The following PIK3R4 variants were observed in gnomAD, a reference collection of about 807,000 sequenced individuals.
PIK3R4 encodes phosphoinositide 3-kinase regulatory subunit 4.
In PIK3R4, 46 loss-of-function variants were observed where a neutral mutation model predicts 136.5. The observed-to-expected ratio is 0.34, with a 90% CI of 0.27 to 0.43. The LOEUF (loss-of-function observed/expected upper bound fraction) is 0.43, where lower values mean the gene tolerates loss of function less well. Ranked by LOEUF, PIK3R4 falls within the 20% of genes least tolerant of loss-of-function variation. PIK3R4 has a pLI of 1.00. For missense variants in PIK3R4, 1,331 were observed against 1,649.5 expected, an observed-to-expected ratio of 0.81 and a Z score of 3.35; for synonymous variants, 557 against 566.7, an observed-to-expected ratio of 0.98 and a Z score of 0.24.
intron 4 of PIK3R4, among the ~76,000 whole-genome samples, chr3:130,732,615 A>T (rs1372046883): frequency 6.6e-6 from 1 of 152,184 alleles, no homozygotes; most frequent in Non-Finnish European, 1.5e-5. Flanking sequence ...TAAATAAATA[A>T]ATAGGCAGAG....
rs923178621 is a variant in PIK3R4 at position 130,723,719 on chromosome 3, C to T, written c.1808-132G>A. 6 of 664,650 alleles carry T rather than the reference C, an allele frequency of 9.0e-6. 1 individual carries two copies. The highest frequency in any genetic ancestry group is 1.9e-5 in the African/African-American group (1 of 53,642). 41.2% of individuals were successfully genotyped at this position (664,650 alleles called of 1,614,324 possible). ...CTAGGAAAGAACATTGCACTTCCTA[C>T]CCAGCATGATAAAGTTAAAAAGACC... On this transcript the variant is annotated intron_variant, in intron 6 of 19. Coordinates refer to ENST00000356763, the MANE Select transcript of PIK3R4 (RefSeq NM_014602.3).
chr3:130,695,981 A>G (rs947213619), intron 13 of PIK3R4, among the ~76,000 whole-genome samples: 28 of 152,022 alleles, frequency 1.8e-4, no homozygotes, highest in Non-Finnish European at 3.7e-4. Context: ...TTCAGATTTT[A>G]TATTTCTTCT....
chr3:130,711,885 CT>C (rs1351685673), intron 9 of PIK3R4, among the ~76,000 whole-genome samples: 1 of 152,100 alleles, frequency 6.6e-6, no homozygotes, highest in African/African-American at 2.4e-5. Context: ...CTTCTTATAG[CT>C]TTTGAATTTT....
In PIK3R4 at chr3:130,736,528, G is replaced by A. The variant is rs576914769; in HGVS notation, c.734-526C>T. ...GGTAGAGAGAGGCAGAGGCTGCAATGAGCCAAGATCGTGCCATTGCACTCC... is the reference window on the plus strand; with the variant it reads ...GGTAGAGAGAGGCAGAGGCTGCAATAAGCCAAGATCGTGCCATTGCACTCC... On this transcript the variant is annotated intron_variant, in intron 2 of 19. Coordinates refer to ENST00000356763, the MANE Select transcript of PIK3R4 (RefSeq NM_014602.3). 2.6e-5 allele frequency among the ~76,000 whole-genome samples: 4 copies of A among 152,252 alleles called. No individual in the cohort carries two copies. In the South Asian group the frequency reaches 8.3e-4, roughly 32 times the overall value.
At chr3:130,692,210 AT>A (rs371998624) in intron 13 of PIK3R4, among the ~76,000 whole-genome samples, 2 of 152,160 alleles carry the variant, frequency 1.3e-5, no homozygotes, top group African/African-American at 4.8e-5. Context: ...TGCTGAAATG[AT>A]TTTCAAATAC....
At chr3:130,744,453 T>A (rs183072225) in intron 2 of PIK3R4, 33 bp downstream of exon 2, 1 of 1,553,924 alleles carries the variant, frequency 6.4e-7, no homozygotes, top group African/African-American at 1.4e-5. Flanking sequence ...GAAAAACACA[T>A]GCTCCCTTAG....
intron 13 of PIK3R4, among the ~76,000 whole-genome samples, chr3:130,692,159 G>A (rs1027595200): frequency 4.6e-5 from 7 of 152,068 alleles, no homozygotes; most frequent in Non-Finnish European, 8.8e-5. Context: ...ACAGGTGTGA[G>A]CCACCACACC....
intron 2 of PIK3R4, among the ~76,000 whole-genome samples, chr3:130,742,107 A>C (rs2066827219): frequency 6.6e-6 from 1 of 152,222 alleles, no homozygotes; most frequent in African/African-American, 2.4e-5. Flanking sequence ...ACTTCTCCCA[A>C]ACCAGCAGCC....
rs2066843498 is a variant in PIK3R4 at position 130,744,774 on chromosome 3, T to C, written c.445A>G (p.Ile149Val). 3 of 1,614,256 alleles carry C rather than the reference T, an allele frequency of 1.9e-6. No homozygotes were observed. The highest frequency in any genetic ancestry group is 2.2e-5 in the South Asian group (2 of 91,086). The change falls in exon 2 of 20, where the codon ATC (isoleucine) becomes GTC (valine). Residue 149 changes from isoleucine (I) to valine (V), a missense_variant. Physicochemically the swap from Ile to Val is conservative, Grantham distance 29 (BLOSUM62 3). Around this residue, in one of 2 missense-constraint regions of PIK3R4, gnomAD observed 151 missense variants for 242.5 expected, o/e 0.62. Coordinates refer to ENST00000356763, the MANE Select transcript of PIK3R4 (RefSeq NM_014602.3). ...AHKSGVRHGD[I>V]KTENVMVTSW... ...GTGACCATCACATTCTCAGTCTTGA[T>C]GTCCCCATGACGAACTCCAGATTTG...
intron 7 of PIK3R4, among the ~76,000 whole-genome samples, chr3:130,721,205 C>T (rs1306702355): frequency 6.6e-6 from 1 of 151,774 alleles, no homozygotes; most frequent in African/African-American, 2.4e-5. Context: ...GGCATGGTAG[C>T]GGGCGCCTGT....
intron 1 of PIK3R4, among the ~76,000 whole-genome samples, chr3:130,745,645 G>A (rs575875938): frequency 5.9e-5 from 9 of 152,254 alleles, no homozygotes; most frequent in Admixed American, 3.9e-4. Context: ...TGTGCTTGGG[G>A]CTATGAGAAT....
intron 13 of PIK3R4, among the ~76,000 whole-genome samples, chr3:130,699,435 C>T (rs185140825): frequency 3.1e-4 from 47 of 152,234 alleles, no homozygotes; most frequent in African/African-American, 9.1e-4. Context: ...CCACTGTCTA[C>T]TAAGGGGCTA....
chr3:130,727,358 C>T (rs895393849), intron 6 of PIK3R4, among the ~76,000 whole-genome samples: 8 of 152,212 alleles, frequency 5.3e-5, no homozygotes, highest in Admixed American at 2.0e-4. Context: ...CCGCCGCCTC[C>T]GAGTACAGGC....
intron 16 of PIK3R4, among the ~76,000 whole-genome samples, chr3:130,682,630 T>C (rs2066466190): frequency 6.6e-6 from 1 of 152,170 alleles, no homozygotes; most frequent in African/African-American, 2.4e-5. Context: ...TGGCCTTCTC[T>C]ACTCCTTCCC....
chr3:130,685,271 T>C (rs958186081), intron 15 of PIK3R4, among the ~76,000 whole-genome samples: 13 of 152,212 alleles, frequency 8.5e-5, no homozygotes, highest in African/African-American at 2.9e-4. Context: ...GAGTAAATTT[T>C]AAATGTTTTC....
chr3:130,685,559 G>A lies in PIK3R4; in HGVS notation c.3475+652C>T, dbSNP rs12497242. Among the ~76,000 whole-genome samples the A allele has an allele frequency of 8.4e-3, 1,277 of 152,290 alleles. 17 individuals are homozygous for A. Among genetic ancestry groups the A allele is most frequent in the East Asian group, 0.052 (271 of 5,194 alleles). The stretch of plus-strand genomic sequence containing the variant: ...AACAACTCAGCTATCCATCAACTGA[G>A]GGATAGAGGGATACACAAATTGTTA... On this transcript the variant is annotated intron_variant, in intron 15 of 19. Transcript: ENST00000356763.
At chr3:130,708,220 A>G (rs1208812687) in intron 10 of PIK3R4, 71 bp downstream of exon 10, 2 of 1,186,112 alleles carry the variant, frequency 1.7e-6, no homozygotes, top group Admixed American at 4.0e-5. Context: ...TTTATTATTA[A>G]TTAGCTAAAA....
intron 6 of PIK3R4, among the ~76,000 whole-genome samples, chr3:130,727,299 C>G (rs1240706944): frequency 6.6e-6 from 1 of 151,948 alleles, no homozygotes; most frequent in Non-Finnish European, 1.5e-5. Flanking sequence ...CAGCTCACTG[C>G]AAGCTCCGCC....
chr3:130,697,063 CTTTTTTTTTTTT>C (rs60432343), intron 13 of PIK3R4, among the ~76,000 whole-genome samples: 1 of 73,024 alleles, frequency 1.4e-5, no homozygotes, highest in African/African-American at 6.3e-5. Flanking sequence ...GCCACTCCAG[CTTTTTTTTTTTT>C]TTTTTTTTTT....
Sources: gnomAD v4.1 joint callset for allele counts (sites outside exome capture counted in the v4.1 genomes callset) on GRCh38, gnomAD v4.1.1 for gene constraint, gnomAD v4.1.1 regional missense constraint, MANE v1.5 for transcripts, NCBI Gene and HGNC (gene_info 2026-07-23, HGNC 2026-07-21) for gene names.